The following DDX3X variants were observed in gnomAD, a reference collection of about 807,000 sequenced individuals.
DDX3X encodes the protein DEAD-box helicase 3 X-linked.
In DDX3X, 4 loss-of-function variants were observed where a neutral mutation model predicts 52.7. That is an observed-to-expected ratio of 0.08 (90% CI 0.04 to 0.17). The LOEUF (loss-of-function observed/expected upper bound fraction) is 0.17. Ranked by LOEUF, DDX3X falls within the 10% of genes least tolerant of loss-of-function variation. The probability of loss-of-function intolerance (pLI) is 1.00; values close to 1 mark genes in which losing one functional copy is unlikely to be tolerated. For synonymous variants in DDX3X, 192 were observed against 178.1 expected, an observed-to-expected ratio of 1.08 and a Z score of -0.62; for missense variants, 222 against 548.6, an observed-to-expected ratio of 0.40 and a Z score of 5.95.
chrX:41,338,575 C>G (rs1391890937), intron 2 of DDX3X: 1 of 111,938 alleles, frequency 8.9e-6, no homozygotes, highest in African/African-American at 3.3e-5. Flanking sequence ...GAAATTAACT[C>G]CCCTTTGCAG....
downstream of DDX3X, among the ~76,000 whole-genome samples, chrX:41,352,311 T>G (rs908820747): frequency 8.9e-6 from 1 of 111,838 alleles, no homozygotes; most frequent in Non-Finnish European, 1.9e-5. Context: ...AATCATGGTT[T>G]ATTGGATATT....
In DDX3X at chrX:41,340,803, A is replaced by G. The variant is rs929973894; in HGVS notation, c.152-681A>G. 19 of 295,121 alleles carry G rather than the reference A, an allele frequency of 6.4e-5. No individual in the cohort carries two copies. The highest frequency in any genetic ancestry group is 8.8e-5 in the Non-Finnish European group (15 of 169,688). 24.3% of individuals were successfully genotyped at this position (295,121 alleles called of 1,213,427 possible). On this transcript the variant is annotated intron_variant, in intron 3 of 16. Transcript: ENST00000644876. ...TAAATGAATACCACCTCCAAGAAAC[A>G]TGGAAACAATGGTAACTGTTTTTCC... is the stretch of plus-strand genomic sequence containing the variant.
intron 5 of DDX3X, among the ~76,000 whole-genome samples, chrX:41,356,454 CTTTTTTTTTT>C (rs760583439): frequency 1.4e-4 from 9 of 65,683 alleles, no homozygotes; most frequent in Admixed American, 3.8e-4. Context: ...GCCAGTATTT[CTTTTTTTTTT>C]TTTTTTTTTT....
At chrX:41,334,712 T>C in intron 1 of DDX3X, 1 of 996,470 alleles carries the variant, frequency 1.0e-6, no homozygotes. Flanking sequence ...TGGCGCAGCC[T>C]GGATTCCCGT....
intron 2 of DDX3X, chrX:41,337,677 C>T: frequency 3.0e-6 from 1 of 332,938 alleles, no homozygotes; most frequent in Non-Finnish European, 5.1e-6. Flanking sequence ...TGGAGCTTTG[C>T]TCTTGTTGCC....
At chrX:41,360,030 A>G (rs886868632) in intron 5 of DDX3X, among the ~76,000 whole-genome samples, 2 of 109,258 alleles carry the variant, frequency 1.8e-5, no homozygotes, top group Non-Finnish European at 3.8e-5. Context: ...TAAAACCCCA[A>G]GAGAGGAAGT....
chrX:41,334,314 C>T lies in DDX3X; in HGVS notation c.45+17C>T, dbSNP rs754638325. The T allele has an allele frequency of 1.7e-6, 2 of 1,209,462 alleles. No homozygotes were observed. Among genetic ancestry groups the T allele is most frequent in the South Asian group, 3.5e-5 (2 of 56,544 alleles). On this transcript the variant is annotated intron_variant, in intron 1 of 16. Transcript: ENST00000644876. ...GACCAGCAGGTGAGCCGCAAGAACC[C>T]CACCGGGCTGGCTGCTGCGTGAATT...
intron 1 of DDX3X, chrX:41,334,737 G>A: frequency 1.0e-6 from 1 of 978,883 alleles, no homozygotes. Context: ...AGGACCTGGC[G>A]GCACCCGGTG....
At chrX:41,352,430 A>G (rs144684903), downstream of DDX3X, among the ~76,000 whole-genome samples, 3 of 111,205 alleles carry the variant, frequency 2.7e-5, no homozygotes, top group Middle Eastern at 4.6e-3. Flanking sequence ...TCTATTCCCA[A>G]CAGCCCATCT....
intron 5 of DDX3X, among the ~76,000 whole-genome samples, chrX:41,356,599 C>T (rs1315750681): frequency 9.3e-6 from 1 of 107,750 alleles, no homozygotes; most frequent in East Asian, 2.9e-4. Context: ...GCTGGGACTA[C>T]AGGCGCACAC....
At chrX:41,356,773 G>A (rs181708331) in intron 5 of DDX3X, among the ~76,000 whole-genome samples, 19 of 109,781 alleles carry the variant, frequency 1.7e-4, no homozygotes, top group South Asian at 1.2e-3. Context: ...GGCATCATTC[G>A]TCAAAAAGAA....
chrX:41,341,019 C>A (rs2063842427), intron 3 of DDX3X: 2 of 227,828 alleles, frequency 8.8e-6, no homozygotes, highest in Non-Finnish European at 1.6e-5. Context: ...GTGTTTCACT[C>A]TTGTTTCCCG....
intron 5 of DDX3X, among the ~76,000 whole-genome samples, chrX:41,358,851 C>T (rs1020361953): frequency 1.3e-4 from 14 of 111,618 alleles, no homozygotes; most frequent in African/African-American, 3.6e-4. Context: ...CTCCGCCTCC[C>T]GGGTTCAGGC....
At chrX:41,347,101 C>T in intron 15 of DDX3X, 89 bp downstream of exon 15, 1 of 1,021,444 alleles carries the variant, frequency 9.8e-7, no homozygotes, top group Non-Finnish European at 1.3e-6. Flanking sequence ...CCAAGGTTAA[C>T]TGTACAGTAT....
At chrX:41,356,929 CTTTTTTT>C (rs35577255) in intron 5 of DDX3X, among the ~76,000 whole-genome samples, 6 of 55,912 alleles carry the variant, frequency 1.1e-4, no homozygotes, top group Non-Finnish European at 6.0e-5. Flanking sequence ...CACACTAATT[CTTTTTTT>C]TTTTTTTTTT....
rs1378471289 is a variant in DDX3X, at chrX:41,350,211, C to T, written c.*2492C>T. 1 of 112,084 alleles carries T rather than the reference C, an allele frequency of 8.9e-6. No individual in the cohort carries two copies. Among genetic ancestry groups the T allele is most frequent in the Non-Finnish European group, 1.9e-5 (1 of 53,167 alleles). The allele number at this position is 112,084 out of a possible 1,213,427, so 9.2% of individuals were successfully genotyped here. A position where few individuals can be genotyped will look rare whatever the true frequency, so the allele number is the denominator to read the frequency against. ...AATAAAAAGTTGAACTGCACAGTCTCCTTTGTTGTTGTCAATTGTGGTTTA... is the reference window on the plus strand; with the variant it reads ...AATAAAAAGTTGAACTGCACAGTCTTCTTTGTTGTTGTCAATTGTGGTTTA... On this transcript the variant is annotated 3_prime_UTR_variant, in exon 17 of 17. Coordinates refer to ENST00000644876, the MANE Select transcript of DDX3X (RefSeq NM_001356.5).
chrX:41,348,156 G>T lies in DDX3X; in HGVS notation c.*437G>T. 3.8e-6 allele frequency: 1 copy of T among 262,380 alleles called. No individual in the cohort carries two copies. 21.6% of individuals were successfully genotyped at this position (262,380 alleles called of 1,213,427 possible). A position where few individuals can be genotyped will look rare whatever the true frequency, so the allele number is the denominator to read the frequency against. ...AAATCAAACCTTGGCACACAGGTGT[G>T]ATACAACTTAACAGGAATCATCGAT... On this transcript the variant is annotated 3_prime_UTR_variant, in exon 17 of 17. Coordinates refer to ENST00000644876, the MANE Select transcript of DDX3X (RefSeq NM_001356.5).
chrX:41,347,119 G>T, intron 15 of DDX3X, 107 bp downstream of exon 15: 1 of 980,818 alleles, frequency 1.0e-6, no homozygotes, highest in Non-Finnish European at 1.4e-6. Flanking sequence ...TATTTAAAAA[G>T]CTTAATCATC....
Position 41,334,279 on chromosome X carries a change from G to C in DDX3X, c.27G>C (p.Ala9=). The C allele has an allele frequency of 8.3e-7, 1 of 1,211,295 alleles. No homozygotes were observed. Among genetic ancestry groups the C allele is most frequent in the Non-Finnish European group, 1.1e-6 (1 of 895,116 alleles). ...TGAGTCATGTGGCAGTGGAAAATGC[G>C]CTCGGGCTGGACCAGCAGGTGAGCC... MSHVAVEN[A]LGLDQQFAGL... is the part of the protein sequence containing the mutation. Residue 9 remains alanine, a synonymous_variant, in exon 1 of 17, where the codon GCG becomes GCC. Coordinates refer to ENST00000644876, the MANE Select transcript of DDX3X (RefSeq NM_001356.5).
Sources: allele counts gnomAD v4.1 joint callset (sites outside exome capture counted in the v4.1 genomes callset), GRCh38; gene constraint gnomAD v4.1.1; transcripts MANE v1.5; gene names NCBI Gene and HGNC (gene_info 2026-07-23, HGNC 2026-07-21).